GPX6: variants seen among roughly 807,000 people sequenced by gnomAD.
The protein encoded by GPX6 is glutathione peroxidase 6 (olfactory).
Under a neutral mutation model 20.0 loss-of-function variants are expected in GPX6, and 21 were observed. That is an observed-to-expected ratio of 1.05 (90% CI 0.74 to 1.51). GPX6 has a LOEUF of 1.51. GPX6 is among the 40% of genes most tolerant of loss of function. GPX6 has a pLI of 0.00. For synonymous variants in GPX6, 75 were observed against 98.0 expected (o/e 0.77, Z 1.38); for missense variants, 233 against 254.7 (o/e 0.91, Z 0.58).
At chr6:28,506,993 A>G (rs1397095546) in intron 2 of GPX6, among the ~76,000 whole-genome samples, 2 of 152,172 alleles carry the variant, frequency 1.3e-5, no homozygotes, top group Non-Finnish European at 2.9e-5. Context: ...TGGTAGAGAA[A>G]GAGAAATTCC....
At chr6:28,513,055 CTGGAAGGCCATTGACAG>C (rs1762933797) in intron 1 of GPX6, among the ~76,000 whole-genome samples, 3 of 152,188 alleles carry the variant, frequency 2.0e-5, no homozygotes, top group Admixed American at 1.3e-4. Context: ...TAGGAGCACA[CTGGAAGGCCATTGACAG>C]CGGAAGGACA....
rs184793191 is a variant in GPX6, at chr6:28,510,858, G to T, written c.134C>A (p.Ala45Asp). The T allele has an allele frequency of 3.7e-6, 6 of 1,613,760 alleles. No homozygotes were observed. The Admixed American group carries it at 1.0e-4, about 27-fold the overall frequency. ...GTACTCCTCGCCGTTGAGGGTGAGGGCTCCATACTCATAGATGGTGCCTGT... is the reference window on the plus strand; with the variant it reads ...GTACTCCTCGCCGTTGAGGGTGAGGTCTCCATACTCATAGATGGTGCCTGT... ...GVTGTIYEYG[A>D]LTLNGEEYIQ... The change falls in exon 2 of 5, where the codon GCC becomes GAC. Residue 45 changes from alanine (A) to aspartate (D), a missense_variant. Physicochemically the swap from Ala to Asp is moderately radical, Grantham distance 126. Transcript: ENST00000361902.
At chr6:28,513,390 C>T (rs1247976271) in intron 1 of GPX6, among the ~76,000 whole-genome samples, 1 of 152,186 alleles carries the variant, frequency 6.6e-6, no homozygotes, top group Non-Finnish European at 1.5e-5. Context: ...GTTGGAGCTC[C>T]ACAATCTGCT....
At chr6:28,511,231 G>A (rs540570673) in intron 1 of GPX6, among the ~76,000 whole-genome samples, 1 of 152,134 alleles carries the variant, frequency 6.6e-6, no homozygotes, top group Non-Finnish European at 1.5e-5. Flanking sequence ...AAGTCATGCC[G>A]TCCTCTCTCA....
intron 1 of GPX6, among the ~76,000 whole-genome samples, chr6:28,513,244 CTCTG>C (rs1385390232): frequency 1.2e-4 from 19 of 152,124 alleles, no homozygotes; most frequent in African/African-American, 3.9e-4. Context: ...ACAGAAAGTC[CTCTG>C]TCTTTGTGAT....
At chr6:28,504,609 T>G in intron 4 of GPX6, 111 bp from the exon 5 acceptor site, 2 of 915,770 alleles carry the variant, frequency 2.2e-6, no homozygotes, top group South Asian at 3.5e-5. Flanking sequence ...CATTATGTAT[T>G]TTAATATATT....
In GPX6 at chr6:28,514,821, A is replaced by G. The variant is rs191339087; in HGVS notation, c.87+836T>C. ...ACAGAAAGGAACTAACAAAAGATAT[A>G]TAATTGGCATATGGCCACCACTGAG... On this transcript the variant is annotated intron_variant, in intron 1 of 4. Coordinates refer to ENST00000361902, the MANE Select transcript of GPX6 (RefSeq NM_182701.1). 3.9e-5 allele frequency among the ~76,000 whole-genome samples: 6 copies of G among 152,370 alleles called. No individual in the cohort carries two copies. In the East Asian group the frequency reaches 9.6e-4, roughly 24 times the overall value.
intron 1 of GPX6, among the ~76,000 whole-genome samples, chr6:28,514,171 G>C (rs943887967): frequency 1.3e-5 from 2 of 152,144 alleles, no homozygotes; most frequent in Admixed American, 1.3e-4. Flanking sequence ...GCTGTCATTT[G>C]TATGCCTCCA....
chr6:28,511,395 G>A (rs950313287), intron 1 of GPX6, among the ~76,000 whole-genome samples: 1 of 152,240 alleles, frequency 6.6e-6, no homozygotes, highest in Non-Finnish European at 1.5e-5. Context: ...TGCCAATGGG[G>A]TAATCACTGG....
chr6:28,504,466 G>C lies in GPX6; in HGVS notation c.492C>G (p.Gly164=). 1.9e-6 allele frequency: 3 copies of C among 1,614,116 alleles called. No homozygotes were observed. Among genetic ancestry groups the C allele is most frequent in the Non-Finnish European group, 2.5e-6 (3 of 1,180,032 alleles). The change falls in exon 5 of 5, where the codon GGC becomes GGG. Residue 164 remains glycine, a synonymous_variant. Transcript: ENST00000361902. ...NSCPPTSDLL[G]SSSQLFWEPM... ...GCTCCCAGAAGAGTTGGCTTGATGAGCCCAAAAGATCAGAGGTCGGAGGGC... is the reference window on the plus strand; with the variant it reads ...GCTCCCAGAAGAGTTGGCTTGATGACCCCAAAAGATCAGAGGTCGGAGGGC...
At chr6:28,512,540 G>C (rs1033425349) in intron 1 of GPX6, among the ~76,000 whole-genome samples, 2 of 152,198 alleles carry the variant, frequency 1.3e-5, no homozygotes, top group African/African-American at 2.4e-5. Flanking sequence ...TGTCAAAACA[G>C]ACCACTCGGC....
chr6:28,512,855 G>A (rs1345107022), intron 1 of GPX6, among the ~76,000 whole-genome samples: 1 of 151,978 alleles, frequency 6.6e-6, no homozygotes, highest in African/African-American at 2.4e-5. Context: ...TGACCGCGAG[G>A]CTTTGCAGCT....
intron 1 of GPX6, among the ~76,000 whole-genome samples, chr6:28,513,530 A>G (rs1349025806): frequency 6.6e-6 from 1 of 152,182 alleles, no homozygotes; most frequent in Non-Finnish European, 1.5e-5. Flanking sequence ...GGTACCTTGA[A>G]AACTCATCCT....
chr6:28,505,155 A>G (rs925516482), intron 4 of GPX6, among the ~76,000 whole-genome samples: 4 of 152,236 alleles, frequency 2.6e-5, no homozygotes, highest in African/African-American at 9.6e-5. Context: ...ATATTCAATA[A>G]GTTGAGCTTT....
chr6:28,509,430 A>G (rs187690623), intron 2 of GPX6, among the ~76,000 whole-genome samples: 3 of 151,476 alleles, frequency 2.0e-5, no homozygotes, highest in Non-Finnish European at 4.4e-5. Context: ...GCTACTCGGG[A>G]GGCTGAGGCA....
intron 2 of GPX6, 88 bp from the exon 3 acceptor site, chr6:28,506,517 C>T (rs995981190): frequency 1.3e-6 from 1 of 759,578 alleles, no homozygotes; most frequent in Non-Finnish European, 2.4e-6. Context: ...CCATTTATCA[C>T]ATGAATAAAC....
intron 2 of GPX6, among the ~76,000 whole-genome samples, chr6:28,509,070 A>T (rs1454129658): frequency 3.3e-5 from 5 of 152,202 alleles, no homozygotes; most frequent in Non-Finnish European, 5.9e-5. Flanking sequence ...TAGACATGAG[A>T]TTACAATATG....
intron 1 of GPX6, among the ~76,000 whole-genome samples, chr6:28,511,217 G>A (rs1438666807): frequency 6.6e-6 from 1 of 152,144 alleles, no homozygotes; most frequent in Non-Finnish European, 1.5e-5. Context: ...CTAACACTCC[G>A]TTCAAGTCAT....
At chr6:28,511,673 T>G (rs533693164) in intron 1 of GPX6, among the ~76,000 whole-genome samples, 1 of 152,388 alleles carries the variant, frequency 6.6e-6, no homozygotes, top group East Asian at 1.9e-4. Context: ...GGTGACAACA[T>G]GCTAGCAGCC....
Sources: gnomAD v4.1 joint callset for allele counts (sites outside exome capture counted in the v4.1 genomes callset) on GRCh38, gnomAD v4.1.1 for gene constraint, MANE v1.5 for transcripts, NCBI Gene and HGNC (gene_info 2026-07-23, HGNC 2026-07-21) for gene names.